SENP7: variants seen among roughly 807,000 people sequenced by gnomAD.
SENP7 encodes the protein SUMO specific peptidase 7.
In SENP7, 64 loss-of-function variants were observed where a neutral mutation model predicts 141.2. The ratio of observed to expected loss-of-function variants is 0.45; its 90% CI spans 0.37 to 0.56. SENP7 has a LOEUF of 0.56. Among genes scored for constraint, SENP7 ranks in the 20% least tolerant of loss-of-function variants. The pLI, the probability that SENP7 is intolerant of heterozygous loss-of-function variation, is 0.00. For synonymous variants in SENP7, 382 were observed against 426.4 expected, an observed-to-expected ratio of 0.90 and a Z score of 1.28; for missense variants, 1,025 against 1,212.2, an observed-to-expected ratio of 0.85 and a Z score of 2.29.
chr3:101,482,758 TAATA>T (rs1337153926), intron 3 of SENP7, among the ~76,000 whole-genome samples: 2 of 152,120 alleles, frequency 1.3e-5, no homozygotes, highest in Non-Finnish European at 2.9e-5. Flanking sequence ...TTATTTTTTT[TAATA>T]AATAGATCAA....
chr3:101,449,298 C>A (rs1327633995), intron 4 of SENP7, among the ~76,000 whole-genome samples: 1 of 152,194 alleles, frequency 6.6e-6, no homozygotes, highest in Non-Finnish European at 1.5e-5. Context: ...AAACACTCTG[C>A]AGGATATTAT....
Position 101,366,577 on chromosome 3 carries a change from T to C in SENP7, c.1171A>G (p.Thr391Ala). 1.9e-6 allele frequency: 3 copies of C among 1,613,970 alleles called. No individual in the cohort carries two copies. Among genetic ancestry groups the C allele is most frequent in the South Asian group, 1.1e-5 (1 of 91,074 alleles). ...ATKSASAGST[T>A]ETVENSNSID... The stretch of plus-strand genomic sequence containing the variant: ...GAATTAGAGTTCTCAACGGTTTCAG[T>C]GGTTGAACCGGCAGAGGCACTTTTG... The change falls in exon 9 of 24, where the codon ACT (threonine) becomes GCT (alanine). Residue 391 changes from threonine (T) to alanine (A), a missense_variant. By Grantham distance (58) the Thr-to-Ala change is moderately conservative. Coordinates refer to ENST00000394095, the MANE Select transcript of SENP7 (RefSeq NM_020654.5).
chr3:101,340,178 C>A lies in SENP7; in HGVS notation c.2274G>T (p.Gly758=), dbSNP rs770370439. The A allele has an allele frequency of 2.5e-6, 4 of 1,600,984 alleles. No homozygotes were observed. Among genetic ancestry groups the A allele is most frequent in the Non-Finnish European group, 3.4e-6 (4 of 1,175,376 alleles). The change falls in exon 16 of 24, where the codon GGG becomes GGT. Residue 758 remains glycine (G), a synonymous_variant. Transcript: ENST00000394095. ...GATCTTCATTAGTTACTCCTAATCC[C>A]CCCTTAGTAGGTGGTGGAGGATATA... ...LIVYPPPPTK[G]GLGVTNEDLE... is the part of the protein sequence containing the mutation.
At chr3:101,500,448 A>G (rs2065333747) in intron 2 of SENP7, among the ~76,000 whole-genome samples, 2 of 151,936 alleles carry the variant, frequency 1.3e-5, no homozygotes, top group Admixed American at 6.6e-5. Context: ...TCCCAGCTAC[A>G]TGGGAGGCTG....
At chr3:101,335,187 G>A (rs1001813004) in intron 17 of SENP7, among the ~76,000 whole-genome samples, 46 of 152,148 alleles carry the variant, frequency 3.0e-4, no homozygotes, top group African/African-American at 1.1e-3. Context: ...ATTTGAAAAT[G>A]GAAATGAGGT....
chr3:101,355,909 T>C (rs889008524), intron 11 of SENP7, among the ~76,000 whole-genome samples: 1 of 152,148 alleles, frequency 6.6e-6, no homozygotes, highest in Non-Finnish European at 1.5e-5. Context: ...CAGTTTTCAT[T>C]GTAGAGATCT....
chr3:101,382,155 A>C (rs1041647642), intron 6 of SENP7, among the ~76,000 whole-genome samples: 2 of 152,172 alleles, frequency 1.3e-5, no homozygotes, highest in African/African-American at 4.8e-5. Context: ...TTTGTAAAAC[A>C]TAATTTTATG....
intron 10 of SENP7, 26 bp from the exon 11 acceptor site, chr3:101,361,887 C>T (rs2059911734): frequency 1.9e-6 from 3 of 1,571,578 alleles, no homozygotes; most frequent in Non-Finnish European, 2.6e-6. Flanking sequence ...TCATAAAATG[C>T]ATATAATTCT....
intron 15 of SENP7, among the ~76,000 whole-genome samples, chr3:101,340,752 C>G (rs1029144015): frequency 1.3e-5 from 2 of 152,130 alleles, no homozygotes; most frequent in African/African-American, 4.8e-5. Flanking sequence ...GTGCCTGCCA[C>G]ATAAAACTTA....
chr3:101,368,423 G>A (rs1391257141), intron 7 of SENP7, among the ~76,000 whole-genome samples: 6 of 151,790 alleles, frequency 4.0e-5, no homozygotes, highest in Admixed American at 3.9e-4. Flanking sequence ...CATGTCCTTT[G>A]TAGGGATATG....
In SENP7 at chr3:101,398,993, G is replaced by A; in HGVS notation, c.545C>T (p.Thr182Ile). Residue 182 changes from threonine (T) to isoleucine (I), a missense_variant, in exon 6 of 24, where the codon ACC becomes ATC. By Grantham distance (89) the Thr-to-Ile change is moderately conservative. Coordinates refer to ENST00000394095, the MANE Select transcript of SENP7 (RefSeq NM_020654.5). Reference protein sequence around the residue: ...GTELGRKYIRTPPVTEGSLSD... With the variant: ...GTELGRKYIRIPPVTEGSLSD... ...CAAACTTCCCTCAGTTACAGGTGGG[G>A]TCCTTATGTATTTTCTTCCTAACTC... is the stretch of plus-strand genomic sequence containing the variant. 2 of 1,613,450 alleles carry A rather than the reference G, an allele frequency of 1.2e-6. No individual in the cohort carries two copies. The highest frequency in any genetic ancestry group is 1.1e-5 in the South Asian group (1 of 90,994).
intron 3 of SENP7, among the ~76,000 whole-genome samples, chr3:101,474,948 A>C (rs1282873309): frequency 6.6e-6 from 1 of 152,186 alleles, no homozygotes. Flanking sequence ...AAAACACAAG[A>C]CCCAACAGAA....
At chr3:101,405,474 A>G (rs1166820146) in intron 5 of SENP7, among the ~76,000 whole-genome samples, 1 of 152,206 alleles carries the variant, frequency 6.6e-6, no homozygotes, top group Non-Finnish European at 1.5e-5. Flanking sequence ...AGCCTACTCA[A>G]ATGACAAGGA....
At chr3:101,438,863 G>C (rs1430153059) in intron 4 of SENP7, among the ~76,000 whole-genome samples, 5 of 151,848 alleles carry the variant, frequency 3.3e-5, no homozygotes, top group African/African-American at 9.7e-5. Context: ...GGCTGGAGGA[G>C]CGGACGGGCC....
At chr3:101,443,428 T>C (rs1027823509) in intron 4 of SENP7, among the ~76,000 whole-genome samples, 30 of 146,708 alleles carry the variant, frequency 2.0e-4, no homozygotes, top group Admixed American at 1.4e-4. Flanking sequence ...GATTTGGCGA[T>C]GCGGGCTCTT....
intron 6 of SENP7, among the ~76,000 whole-genome samples, chr3:101,385,489 T>A (rs561086589): frequency 1.3e-5 from 2 of 152,230 alleles, no homozygotes; most frequent in Non-Finnish European, 2.9e-5. Flanking sequence ...GTCCTATCCA[T>A]CTGATGGGCA....
intron 20 of SENP7, 55 bp downstream of exon 20, chr3:101,330,279 A>T: frequency 7.7e-7 from 1 of 1,293,228 alleles, no homozygotes; most frequent in Non-Finnish European, 1.1e-6. Context: ...TTTACAGATA[A>T]CATTATTATA....
At chr3:101,392,074 T>C (rs1383407019) in intron 6 of SENP7, among the ~76,000 whole-genome samples, 1 of 152,140 alleles carries the variant, frequency 6.6e-6, no homozygotes, top group Non-Finnish European at 1.5e-5. Flanking sequence ...CACTGCAACA[T>C]GATTAAGGCC....
chr3:101,361,198 G>A (rs1305959899), intron 11 of SENP7, among the ~76,000 whole-genome samples: 2 of 146,776 alleles, frequency 1.4e-5, no homozygotes, highest in East Asian at 2.0e-4. Flanking sequence ...GGGTGAAACA[G>A]TGAGACTCTG....
Sources: allele counts gnomAD v4.1 joint callset (sites outside exome capture counted in the v4.1 genomes callset), GRCh38; gene constraint gnomAD v4.1.1; transcripts MANE v1.5; gene names NCBI Gene and HGNC (gene_info 2026-07-23, HGNC 2026-07-21).